Variants in ACYP2 observed in about 807,000 individuals in gnomAD.
The protein encoded by ACYP2 is acylphosphatase 2.
A neutral mutation model predicts 11.2 loss-of-function variants in ACYP2; 12 were observed. The ratio of observed to expected loss-of-function variants is 1.08; its 90% CI spans 0.69 to 1.74. The LOEUF is 1.74. Among genes scored for constraint, ACYP2 ranks in the 40% most tolerant of loss-of-function variants. The pLI is 0.00. For missense variants in ACYP2, 134 were observed against 101.9 expected (o/e 1.31, Z -1.35); for synonymous variants, 43 against 32.2 (o/e 1.33, Z -1.13).
intron 2 of ACYP2, among the ~76,000 whole-genome samples, chr2:54,026,006 A>C (rs2104550016): frequency 6.6e-6 from 1 of 152,330 alleles, no homozygotes; most frequent in Admixed American, 6.5e-5. Flanking sequence ...AGTCCCAGCT[A>C]CTTGGGAGGG....
chr2:54,054,422 A>G (rs2103621587), intron 3 of ACYP2, among the ~76,000 whole-genome samples: 1 of 152,326 alleles, frequency 6.6e-6, no homozygotes, highest in South Asian at 2.1e-4. Flanking sequence ...GGGTCTGAAA[A>G]GGAAGTTCGA....
intron 2 of ACYP2, among the ~76,000 whole-genome samples, chr2:53,992,074 CCCTT>C (rs57380456): frequency 0.1 from 15,358 of 148,288 alleles, 1,051 homozygotes; most frequent in African/African-American, 0.2. Context: ...TCCTTTTTTC[CCCTT>C]CCTTCCTTCC....
At chr2:54,235,018 A>G (rs1332534418) in intron 6 of ACYP2, among the ~76,000 whole-genome samples, 1 of 152,166 alleles carries the variant, frequency 6.6e-6, no homozygotes, top group Non-Finnish European at 1.5e-5. Flanking sequence ...TGATGCAAAA[A>G]ACCCCTGAAA....
At chr2:54,119,152 T>C (rs891410120) in intron 4 of ACYP2, among the ~76,000 whole-genome samples, 1 of 147,774 alleles carries the variant, frequency 6.8e-6, no homozygotes, top group African/African-American at 2.5e-5. Flanking sequence ...TGGGCTCATA[T>C]GATCTTCCTG....
At chr2:54,254,811 A>G (rs1687414484) in intron 6 of ACYP2, 1 of 1,119,180 alleles carries the variant, frequency 8.9e-7, no homozygotes, top group Non-Finnish European at 1.3e-6. Context: ...AGGGTACAGG[A>G]AAGTCAGAAC....
intron 6 of ACYP2, among the ~76,000 whole-genome samples, chr2:54,164,659 T>C (rs555371695): frequency 2.0e-5 from 3 of 152,342 alleles, no homozygotes; most frequent in South Asian, 2.1e-4. Context: ...ACATTTGTCC[T>C]TTTGAGGTGC....
intron 4 of ACYP2, among the ~76,000 whole-genome samples, chr2:54,127,629 TC>T (rs1680612446): frequency 6.6e-6 from 1 of 151,640 alleles, no homozygotes; most frequent in Non-Finnish European, 1.5e-5. Context: ...GCACCTGTAG[TC>T]CCAGTTACTC....
intron 2 of ACYP2, among the ~76,000 whole-genome samples, chr2:54,016,870 C>A (rs546514712): frequency 6.6e-6 from 1 of 151,714 alleles, no homozygotes; most frequent in African/African-American, 2.4e-5. Flanking sequence ...GGACTACAGG[C>A]GCCCGCCACC....
At position 54,002,350 on chromosome 2, in the gene ACYP2, C is replaced by CTT. The variant is rs35906411; in HGVS notation, c.62+28552_62+28553dup. 5.0e-3 allele frequency among the ~76,000 whole-genome samples: 727 copies of CTT among 144,774 alleles called. 10 individuals carry two copies. Among genetic ancestry groups the CTT allele is most frequent in the African/African-American group, 0.016 (627 of 39,486 alleles). The allele number at this position is 144,774 out of a possible 152,430, so 95.0% of individuals were successfully genotyped here. A position where few individuals can be genotyped will look rare whatever the true frequency, so the allele number is the denominator to read the frequency against. ...TCATTACTTCATAGCTCATTTCTTT[C>CTT]TTTTTTTTTTTTTGAGACGGAGTCT... On this transcript the variant is annotated intron_variant, in intron 2 of 6. Coordinates refer to ENST00000607452, the MANE Select transcript of ACYP2 (RefSeq NM_001320586.2).
intron 6 of ACYP2, among the ~76,000 whole-genome samples, chr2:54,201,375 G>C (rs1489889214): frequency 6.6e-6 from 1 of 152,166 alleles, no homozygotes; most frequent in Admixed American, 6.5e-5. Context: ...AAAGTGCTGA[G>C]ATTACAGGCG....
intron 4 of ACYP2, among the ~76,000 whole-genome samples, chr2:54,094,180 A>T (rs925024474): frequency 1.3e-5 from 2 of 152,102 alleles, no homozygotes; most frequent in Admixed American, 1.3e-4. Flanking sequence ...TTGCAAAAGA[A>T]AGGAAGATTT....
chr2:53,974,726 G>T (rs1671381740), intron 2 of ACYP2, among the ~76,000 whole-genome samples: 2 of 152,242 alleles, frequency 1.3e-5, no homozygotes, highest in South Asian at 4.1e-4. Context: ...TGTTTTTTAT[G>T]TTGCCAGTAG....
intron 4 of ACYP2, 41 bp from the exon 1 acceptor site, chr2:54,115,557 ACCCCGGCGCGCTAGCGT>A: frequency 6.6e-7 from 1 of 1,523,008 alleles, no homozygotes; most frequent in Non-Finnish European, 8.8e-7. Flanking sequence ...CCGACGCGTG[ACCCCGGCGCGCTAGCGT>A]CCGGGACCGG....
In ACYP2 at chr2:54,021,026, T is replaced by C. The variant is rs573561925; in HGVS notation, c.63-29932T>C. ...CAGATGGAGCAATGGCGAGAGCACA[T>C]TTGAACAAGGGAGGGGAAGGGGTTT... On this transcript the variant is annotated intron_variant, in intron 2 of 6. Transcript: ENST00000607452. Among the ~76,000 whole-genome samples, 4 of 152,302 alleles carry C rather than the reference T, an allele frequency of 2.6e-5. No individual in the cohort carries two copies. In the South Asian group the frequency reaches 8.3e-4, roughly 32 times the overall value.
chr2:54,170,565 GTT>G (rs56896817), intron 6 of ACYP2, among the ~76,000 whole-genome samples: 29,348 of 128,516 alleles, frequency 0.23, 2,968 homozygotes, highest in East Asian at 0.45. Flanking sequence ...TCTTAAAACA[GTT>G]TTTTTTTTTT....
At chr2:54,031,500 G>C (rs976052612) in intron 2 of ACYP2, among the ~76,000 whole-genome samples, 2 of 151,950 alleles carry the variant, frequency 1.3e-5, no homozygotes, top group African/African-American at 2.4e-5. Context: ...GCATATGTGC[G>C]ACATTTTCTT....
intron 4 of ACYP2, among the ~76,000 whole-genome samples, chr2:54,064,335 G>A (rs1192035762): frequency 6.6e-6 from 1 of 152,274 alleles, no homozygotes; most frequent in South Asian, 2.1e-4. Flanking sequence ...TCTGGGTCGG[G>A]AGCCAGAAGC....
At chr2:54,115,361 C>T (rs1053096826) in intron 4 of ACYP2, 1 of 516,696 alleles carries the variant, frequency 1.9e-6, no homozygotes, top group Non-Finnish European at 3.3e-6. Context: ...GCACAGCATC[C>T]GGCTTTTATT....
At chr2:54,047,293 A>T (rs1188937862) in intron 2 of ACYP2, among the ~76,000 whole-genome samples, 1 of 152,216 alleles carries the variant, frequency 6.6e-6, no homozygotes, top group African/African-American at 2.4e-5. Flanking sequence ...GTGAATCATC[A>T]CCACACACTC....
Sources: gnomAD v4.1 joint callset for allele counts (sites outside exome capture counted in the v4.1 genomes callset) on GRCh38, gnomAD v4.1.1 for gene constraint, MANE v1.5 for transcripts, NCBI Gene and HGNC (gene_info 2026-07-23, HGNC 2026-07-21) for gene names.